The following ARMC1 variants were observed in gnomAD, a reference collection of about 807,000 sequenced individuals.
The protein encoded by ARMC1 is armadillo repeat-containing protein 1.
ARMC1 carries 16 observed loss-of-function variants against 31.4 expected under a neutral mutation model. The ratio of observed to expected loss-of-function variants is 0.51; its 90% CI spans 0.34 to 0.77. The LOEUF (loss-of-function observed/expected upper bound fraction) is 0.77, where lower values mean the gene tolerates loss of function less well. Ranked by LOEUF, ARMC1 falls within the 30% of genes least tolerant of loss-of-function variation. The pLI is 0.01. For synonymous variants in ARMC1, 114 were observed against 118.9 expected, an observed-to-expected ratio of 0.96 and a Z score of 0.27; for missense variants, 259 against 347.5, an observed-to-expected ratio of 0.75 and a Z score of 2.02.
chr8:65,604,458 G>C lies in ARMC1; in HGVS notation c.785C>G (p.Pro262Arg). ...DKAVSRVGSH[P>R]EGGASWLSTA... ...GCTAAGCCAGCTAGCTCCACCTTCT[G>C]GGTGTGAGCCGACCCGGGACACCGC... Residue 262 changes from proline (P) to arginine (R), a missense_variant, in exon 7 of 7, where the codon CCA (proline) becomes CGA (arginine). This residue lies in a region of ARMC1 where 73 missense variants were observed against 100.0 expected (regional missense o/e 0.73). Transcript: ENST00000276569. 1 of 1,614,170 alleles carries C rather than the reference G, an allele frequency of 6.2e-7. No individual in the cohort carries two copies. Among genetic ancestry groups the C allele is most frequent in the Non-Finnish European group, 8.5e-7 (1 of 1,180,034 alleles).
intron 6 of ARMC1, 62 bp downstream of exon 6, chr8:65,605,201 G>T: frequency 2.1e-6 from 3 of 1,401,616 alleles, no homozygotes; most frequent in Non-Finnish European, 2.0e-6. Context: ...CTGGCAATCT[G>T]CTAGCCATAA....
chr8:65,606,296 G>C (rs1448520961), intron 4 of ARMC1, among the ~76,000 whole-genome samples: 1 of 151,688 alleles, frequency 6.6e-6, no homozygotes, highest in African/African-American at 2.4e-5. Context: ...GGGAGGCGGA[G>C]GTTGCAGTGA....
chr8:65,623,179 G>GAT (rs1808431020), intron 2 of ARMC1, among the ~76,000 whole-genome samples: 1 of 150,822 alleles, frequency 6.6e-6, no homozygotes, highest in Non-Finnish European at 1.5e-5. Context: ...ATGGTGGCAG[G>GAT]TGCCTGTAAT....
At chr8:65,623,757 G>A (rs922771152) in intron 2 of ARMC1, among the ~76,000 whole-genome samples, 4 of 138,840 alleles carry the variant, frequency 2.9e-5, no homozygotes, top group East Asian at 2.1e-4. Context: ...ATTAGAAACC[G>A]TACATGCCAG....
chr8:65,613,832 T>G (rs1010690503), intron 3 of ARMC1, among the ~76,000 whole-genome samples: 2 of 152,012 alleles, frequency 1.3e-5, no homozygotes, highest in Non-Finnish European at 2.9e-5. Context: ...TGGTGGCGCA[T>G]GCCTGTAATC....
chr8:65,609,108 T>C (rs1448583969), intron 4 of ARMC1, among the ~76,000 whole-genome samples: 1 of 150,710 alleles, frequency 6.6e-6, no homozygotes. Flanking sequence ...TATTGGCCTA[T>C]ATATTTGTTT....
intron 4 of ARMC1, among the ~76,000 whole-genome samples, chr8:65,606,769 A>G (rs1031954077): frequency 3.9e-5 from 6 of 152,192 alleles, no homozygotes; most frequent in Non-Finnish European, 8.8e-5. Context: ...TCAGAAGACT[A>G]TTCTCATCAC....
chr8:65,624,324 C>G (rs1299766325), intron 2 of ARMC1, among the ~76,000 whole-genome samples: 1 of 150,632 alleles, frequency 6.6e-6, no homozygotes, highest in East Asian at 2.0e-4. Flanking sequence ...CATGGCGAAA[C>G]CCTGTCTCTA....
In ARMC1 at chr8:65,627,324, T is replaced by C; in HGVS notation, c.75A>G (p.Ala25=). ...TGGCTCTTCTGTTTAACGGATCTGC[T>C]GCTAGATCCCGTAACTGGTTAACTA... ...LSVVNQLRDL[A]ADPLNRRAIV... is the part of the protein sequence containing the mutation. The change falls in exon 2 of 7, where the codon GCA becomes GCG. Residue 25 remains alanine, a synonymous_variant. Coordinates refer to ENST00000276569, the MANE Select transcript of ARMC1 (RefSeq NM_018120.6). The C allele has an allele frequency of 1.2e-6, 2 of 1,613,462 alleles. No individual in the cohort carries two copies. The highest frequency in any genetic ancestry group is 1.1e-5 in the South Asian group (1 of 91,014).
chr8:65,609,798 C>T (rs1407944187), intron 4 of ARMC1, among the ~76,000 whole-genome samples: 1 of 137,192 alleles, frequency 7.3e-6, no homozygotes, highest in Non-Finnish European at 1.5e-5. Context: ...GCAAAGGTTG[C>T]AGTAAGCCGA....
intron 3 of ARMC1, among the ~76,000 whole-genome samples, chr8:65,619,977 C>CAA (rs530126937): frequency 1.1e-5 from 1 of 94,440 alleles, no homozygotes; most frequent in Non-Finnish European, 2.1e-5. Flanking sequence ...GGATGAGACT[C>CAA]AAAAAAAAAA....
chr8:65,626,508 A>G (rs1808514818), intron 2 of ARMC1, among the ~76,000 whole-genome samples: 2 of 151,626 alleles, frequency 1.3e-5, no homozygotes. Context: ...GTGACACACA[A>G]CTCTGTGAAT....
Position 65,627,240 on chromosome 8 carries a change from A to G in ARMC1, c.159T>C (p.Pro53=), listed in dbSNP as rs142172461. 1.6e-5 allele frequency: 25 copies of G among 1,586,588 alleles called. No individual in the cohort carries two copies. The highest frequency in any genetic ancestry group is 1.7e-4 in the Middle Eastern group (1 of 5,942). ...GLILFMDHPN[P]PVVHSALLAL... ...CAAGCAAAGCGGAGTGGACGACTGG[A>G]GGGTTGGGATGGTCCATAAATAAAA... Residue 53 remains proline (P), a synonymous_variant, in exon 2 of 7, where the codon CCT becomes CCC. Transcript: ENST00000276569.
At chr8:65,609,456 C>G (rs960476898) in intron 4 of ARMC1, among the ~76,000 whole-genome samples, 7 of 152,310 alleles carry the variant, frequency 4.6e-5, no homozygotes, top group African/African-American at 1.4e-4. Flanking sequence ...TGCCTTGTGA[C>G]CCCACTTCCA....
At chr8:65,611,711 C>G (rs1280004262) in intron 4 of ARMC1, among the ~76,000 whole-genome samples, 1 of 152,110 alleles carries the variant, frequency 6.6e-6, no homozygotes, top group African/African-American at 2.4e-5. Flanking sequence ...TTAACTACTT[C>G]CAACAAATTT....
rs1282888592 is a variant in ARMC1, at chr8:65,602,935, A to G, written c.*1459T>C. 6 of 152,056 alleles carry G rather than the reference A, an allele frequency of 3.9e-5. No individual in the cohort carries two copies. Among genetic ancestry groups the G allele is most frequent in the Non-Finnish European group, 1.5e-5 (1 of 68,014 alleles). The allele number at this position is 152,056 out of a possible 1,614,324, so 9.4% of individuals were successfully genotyped here. ...TTAACTCTCTCTCCAGAAGGTGACA[A>G]TGTTAGTGAACTCAAGACTCTCACT... is the stretch of plus-strand genomic sequence containing the variant. On this transcript the variant is annotated 3_prime_UTR_variant, in exon 7 of 7. Transcript: ENST00000276569.
chr8:65,604,336 CA>C lies in ARMC1; in HGVS notation c.*57del. 2 of 1,527,788 alleles carry C rather than the reference CA, an allele frequency of 1.3e-6. No individual in the cohort carries two copies. Among genetic ancestry groups the C allele is most frequent in the Non-Finnish European group, 1.8e-6 (2 of 1,122,380 alleles). 94.6% of individuals were successfully genotyped at this position (1,527,788 alleles called of 1,614,324 possible). A position where few individuals can be genotyped will look rare whatever the true frequency, so the allele number is the denominator to read the frequency against. ...GCAAATTGCACTTGACAGTTCACCA[CA>C]ACAATGGAAAACTGGCCCCTTGTTG... On this transcript the variant is annotated 3_prime_UTR_variant, in exon 7 of 7. Coordinates refer to ENST00000276569, the MANE Select transcript of ARMC1 (RefSeq NM_018120.6).
intron 1 of ARMC1, among the ~76,000 whole-genome samples, chr8:65,630,756 T>C (rs1585723659): frequency 6.6e-6 from 1 of 151,480 alleles, no homozygotes; most frequent in African/African-American, 2.4e-5. Context: ...GAGGCGGAGG[T>C]TGCAGTGAGC....
intron 3 of ARMC1, among the ~76,000 whole-genome samples, chr8:65,615,308 C>T (rs778557502): frequency 1.3e-4 from 20 of 151,272 alleles, no homozygotes; most frequent in Non-Finnish European, 2.4e-4. Context: ...ATTGAAAAGT[C>T]ACTGCAGTTC....
Sources: gnomAD v4.1 joint callset for allele counts (sites outside exome capture counted in the v4.1 genomes callset) on GRCh38, gnomAD v4.1.1 for gene constraint, gnomAD v4.1.1 regional missense constraint, MANE v1.5 for transcripts, NCBI Gene and HGNC (gene_info 2026-07-23, HGNC 2026-07-21) for gene names.